Variants in SLMAP observed in about 807,000 individuals in gnomAD.
SLMAP encodes the protein sarcolemma associated protein.
Under a neutral mutation model 128.8 loss-of-function variants are expected in SLMAP, and 44 were observed. That is an observed-to-expected ratio of 0.34 (90% CI 0.27 to 0.44). The LOEUF (loss-of-function observed/expected upper bound fraction) is 0.44, where lower values mean the gene tolerates loss of function less well. Ranked by LOEUF, SLMAP falls within the 20% of genes least tolerant of loss-of-function variation. The probability of loss-of-function intolerance (pLI) is 1.00; values close to 1 mark genes in which losing one functional copy is unlikely to be tolerated. For missense variants in SLMAP, 787 were observed against 985.3 expected (o/e 0.80, Z 2.69); for synonymous variants, 327 against 348.8 (o/e 0.94, Z 0.70).
chr3:57,850,731 C>T (rs557608424), intron 6 of SLMAP, among the ~76,000 whole-genome samples: 240 of 152,132 alleles, frequency 1.6e-3, no homozygotes, highest in Non-Finnish European at 2.2e-3. Context: ...CCTCCTGGGC[C>T]CAAGCGATTC....
At chr3:57,922,826 A>G in intron 22 of SLMAP, 63 bp from the exon 23 acceptor site, 1 of 1,497,350 alleles carries the variant, frequency 6.7e-7, no homozygotes, top group Non-Finnish European at 9.1e-7. Context: ...AAACCTGATT[A>G]GAACCATAAC....
intron 2 of SLMAP, among the ~76,000 whole-genome samples, chr3:57,793,992 A>G (rs761459866): frequency 7.3e-5 from 11 of 151,686 alleles, no homozygotes; most frequent in Non-Finnish European, 1.5e-4. Context: ...ATTTTAGCTC[A>G]AGAGGTTAGG....
intron 2 of SLMAP, among the ~76,000 whole-genome samples, chr3:57,826,312 C>T (rs1039865181): frequency 6.6e-6 from 1 of 152,078 alleles, no homozygotes; most frequent in African/African-American, 2.4e-5. Flanking sequence ...TTCCCAAGGT[C>T]TGTTTTTCAT....
At chr3:57,813,007 T>C (rs1245447135) in intron 2 of SLMAP, among the ~76,000 whole-genome samples, 3 of 152,058 alleles carry the variant, frequency 2.0e-5, no homozygotes, top group Admixed American at 1.3e-4. Flanking sequence ...ATTCTAACAG[T>C]TTTTTTCTGG....
intron 3 of SLMAP, among the ~76,000 whole-genome samples, chr3:57,832,949 C>G (rs968630033): frequency 5.9e-5 from 9 of 152,184 alleles, no homozygotes; most frequent in African/African-American, 1.2e-4. Context: ...CTGGGAACAG[C>G]TGCATTAGAC....
In SLMAP at chr3:57,757,839, A is replaced by G. The variant is rs1425669821; in HGVS notation, c.188A>G (p.Lys63Arg). The G allele has an allele frequency of 8.1e-6, 13 of 1,614,178 alleles. No homozygotes were observed. Among genetic ancestry groups the G allele is most frequent in the Admixed American group, 1.7e-5 (1 of 60,024 alleles). Residue 63 changes from lysine (K) to arginine (R), a missense_variant, in exon 2 of 25, where the codon AAG becomes AGG. By Grantham distance (26) the Lys-to-Arg change is conservative. Around this residue, in one of 2 missense-constraint regions of SLMAP, gnomAD observed 72 missense variants for 141.8 expected, o/e 0.51. Coordinates refer to ENST00000671191, the MANE Select transcript of SLMAP (RefSeq NM_001377540.1). ...CACGCTCTCGTCTGGTTTGATCACAAGACGGGCAAGGTAATGTCACCACAT... is the reference window on the plus strand; with the variant it reads ...CACGCTCTCGTCTGGTTTGATCACAGGACGGGCAAGGTAATGTCACCACAT... The part of the protein sequence containing the change: ...RNHALVWFDH[K>R]TGKFYLQDTK...
intron 2 of SLMAP, among the ~76,000 whole-genome samples, chr3:57,792,859 C>T (rs922241656): frequency 6.6e-6 from 1 of 151,878 alleles, no homozygotes; most frequent in African/African-American, 2.4e-5. Context: ...TGGATTTGAC[C>T]GGGTGCGGTG....
At chr3:57,883,593 G>A (rs1396526759) in intron 14 of SLMAP, among the ~76,000 whole-genome samples, 2 of 152,088 alleles carry the variant, frequency 1.3e-5, no homozygotes, top group Admixed American at 6.6e-5. Flanking sequence ...GATTAAATAC[G>A]GTGAATGGAC....
At chr3:57,872,483 G>A (rs1176309147) in intron 14 of SLMAP, among the ~76,000 whole-genome samples, 1 of 152,076 alleles carries the variant, frequency 6.6e-6, no homozygotes, top group African/African-American at 2.4e-5. Context: ...GCTGGGTGTG[G>A]TGGCAGGCGC....
intron 2 of SLMAP, 65 bp downstream of exon 2, chr3:57,757,914 G>C: frequency 7.1e-7 from 1 of 1,410,954 alleles, no homozygotes; most frequent in Non-Finnish European, 9.9e-7. Context: ...TGCCCTCCCT[G>C]AGAGGACTAA....
chr3:57,842,289 T>C (rs2093975769), intron 4 of SLMAP, among the ~76,000 whole-genome samples: 1 of 152,200 alleles, frequency 6.6e-6, no homozygotes, highest in African/African-American at 2.4e-5. Flanking sequence ...TTGTTTACTT[T>C]TCAAGATATC....
intron 6 of SLMAP, among the ~76,000 whole-genome samples, chr3:57,855,979 G>A (rs1336766842): frequency 6.6e-6 from 1 of 151,918 alleles, no homozygotes; most frequent in Non-Finnish European, 1.5e-5. Context: ...AGAGGCGGAG[G>A]TTGCAGTGAG....
chr3:57,884,762 TCACGC>T (rs2095836163), intron 14 of SLMAP, among the ~76,000 whole-genome samples: 2 of 151,684 alleles, frequency 1.3e-5, no homozygotes, highest in Non-Finnish European at 2.9e-5. Context: ...TGGGCAGAGA[TCACGC>T]CACTGCACTC....
chr3:57,881,200 A>G (rs2095734178), intron 14 of SLMAP, among the ~76,000 whole-genome samples: 1 of 152,090 alleles, frequency 6.6e-6, no homozygotes, highest in African/African-American at 2.4e-5. Flanking sequence ...TCTCAAAAAA[A>G]AAAAGTTTTA....
At chr3:57,872,185 G>A (rs1037763277) in intron 14 of SLMAP, among the ~76,000 whole-genome samples, 2 of 152,116 alleles carry the variant, frequency 1.3e-5, no homozygotes, top group African/African-American at 4.8e-5. Context: ...GCCTATAATC[G>A]CAGCTACGTG....
intron 2 of SLMAP, among the ~76,000 whole-genome samples, chr3:57,799,454 C>T (rs1419957552): frequency 2.0e-5 from 3 of 152,134 alleles, no homozygotes; most frequent in Non-Finnish European, 4.4e-5. Context: ...TCCAAATTCC[C>T]CACGTTTACT....
intron 2 of SLMAP, among the ~76,000 whole-genome samples, chr3:57,761,550 C>T (rs2078641466): frequency 6.6e-6 from 1 of 151,870 alleles, no homozygotes; most frequent in Admixed American, 6.6e-5. Context: ...TTGCCTCGGC[C>T]TCCCAAAGTG....
intron 14 of SLMAP, among the ~76,000 whole-genome samples, chr3:57,881,377 C>T (rs1395605817): frequency 6.6e-6 from 1 of 152,114 alleles, no homozygotes; most frequent in African/African-American, 2.4e-5. Context: ...GTATGTATTA[C>T]ACTTGTGACT....
intron 2 of SLMAP, among the ~76,000 whole-genome samples, chr3:57,783,670 C>T (rs891026759): frequency 6.6e-6 from 1 of 152,046 alleles, no homozygotes; most frequent in Non-Finnish European, 1.5e-5. Context: ...AAGGGTGTGG[C>T]CAAGTAACTG....
Sources: gnomAD v4.1 joint callset for allele counts (sites outside exome capture counted in the v4.1 genomes callset) on GRCh38, gnomAD v4.1.1 for gene constraint, gnomAD v4.1.1 regional missense constraint, MANE v1.5 for transcripts, NCBI Gene and HGNC (gene_info 2026-07-23, HGNC 2026-07-21) for gene names.